Variants in CNTNAP2 observed in about 807,000 individuals in gnomAD.
CNTNAP2 encodes contactin-associated protein-like 2.
CNTNAP2 carries 98 observed loss-of-function variants against 155.2 expected under a neutral mutation model. The ratio of observed to expected loss-of-function variants is 0.63; its 90% CI spans 0.54 to 0.75. CNTNAP2 has a LOEUF of 0.75. Among genes scored for constraint, CNTNAP2 ranks in the 30% least tolerant of loss-of-function variants. The pLI is 0.00. For missense variants in CNTNAP2, 1,727 were observed against 1,688.1 expected (o/e 1.02, Z -0.40); for synonymous variants, 651 against 631.2 (o/e 1.03, Z -0.47).
chr7:146,993,108 A>G (rs1411173760), intron 3 of CNTNAP2, among the ~76,000 whole-genome samples: 2 of 152,216 alleles, frequency 1.3e-5, no homozygotes, highest in Non-Finnish European at 2.9e-5. Flanking sequence ...AAAGTTTATC[A>G]TAAAAGCTTT....
At chr7:146,249,413 C>T (rs116612375) in intron 1 of CNTNAP2, among the ~76,000 whole-genome samples, 4,562 of 151,722 alleles carry the variant, frequency 0.03, 226 homozygotes, top group African/African-American at 0.11. Context: ...AACGTATTTC[C>T]TCTTCCTGTA....
At chr7:146,286,144 G>A (rs1223030848) in intron 1 of CNTNAP2, among the ~76,000 whole-genome samples, 1 of 149,066 alleles carries the variant, frequency 6.7e-6, no homozygotes, top group Non-Finnish European at 1.5e-5. Flanking sequence ...ATGTGCTGAG[G>A]TGGGGAAAGC....
chr7:146,525,438 T>C (rs796578568), intron 1 of CNTNAP2, among the ~76,000 whole-genome samples: 26 of 152,218 alleles, frequency 1.7e-4, no homozygotes, highest in African/African-American at 6.0e-4. Context: ...AAATACCAAA[T>C]TGAGAAAAGG....
intron 20 of CNTNAP2, among the ~76,000 whole-genome samples, chr7:148,233,378 C>A (rs1220388825): frequency 6.9e-6 from 1 of 144,810 alleles, no homozygotes; most frequent in African/African-American, 2.5e-5. Context: ...ATGGAAGTCA[C>A]AAAAAGTAAG....
At chr7:147,605,713 G>C (rs923671082) in intron 12 of CNTNAP2, among the ~76,000 whole-genome samples, 19 of 152,080 alleles carry the variant, frequency 1.2e-4, no homozygotes, top group African/African-American at 4.6e-4. Flanking sequence ...TTCAGAAAAA[G>C]GTTCTCCCTG....
At chr7:147,637,269 G>A (rs1795195794) in intron 12 of CNTNAP2, among the ~76,000 whole-genome samples, 1 of 152,162 alleles carries the variant, frequency 6.6e-6, no homozygotes, top group African/African-American at 2.4e-5. Context: ...GACTGGTTAG[G>A]AATCAGGATG....
intron 1 of CNTNAP2, among the ~76,000 whole-genome samples, chr7:146,246,709 G>T (rs189982889): frequency 1.9e-4 from 29 of 152,198 alleles, no homozygotes; most frequent in African/African-American, 6.3e-4. Context: ...AGTTCCAGGG[G>T]CTCTGGGAGT....
intron 13 of CNTNAP2, among the ~76,000 whole-genome samples, chr7:147,888,527 T>C (rs984741379): frequency 6.6e-6 from 1 of 151,968 alleles, no homozygotes; most frequent in African/African-American, 2.4e-5. Flanking sequence ...TGGTGAGGCC[T>C]TATTTTGGTG....
chr7:146,520,927 C>G (rs1268391722), intron 1 of CNTNAP2, among the ~76,000 whole-genome samples: 2 of 151,910 alleles, frequency 1.3e-5, no homozygotes, highest in African/African-American at 4.8e-5. Context: ...AGATAGAACT[C>G]TGACTCCAAC....
intron 14 of CNTNAP2, among the ~76,000 whole-genome samples, chr7:147,922,362 T>C (rs773948706): frequency 6.6e-5 from 10 of 152,310 alleles, no homozygotes; most frequent in Admixed American, 1.3e-4. Context: ...GACACTAACA[T>C]GGCAGCCCTC....
At chr7:147,451,187 A>G (rs1002223596) in intron 10 of CNTNAP2, among the ~76,000 whole-genome samples, 14 of 152,224 alleles carry the variant, frequency 9.2e-5, no homozygotes, top group African/African-American at 3.4e-4. Flanking sequence ...ATTGCAGAAC[A>G]CAACTAAAAA....
chr7:147,857,948 G>A (rs908742969), intron 13 of CNTNAP2, among the ~76,000 whole-genome samples: 2 of 152,204 alleles, frequency 1.3e-5, no homozygotes, highest in African/African-American at 4.8e-5. Context: ...ACTGGACTCT[G>A]TGAAGCCTTT....
chr7:146,185,815 A>G (rs921833378), intron 1 of CNTNAP2, among the ~76,000 whole-genome samples: 6 of 140,066 alleles, frequency 4.3e-5, no homozygotes, highest in African/African-American at 1.6e-4. Context: ...GGGCTAAAGT[A>G]GGCTTCAGTT....
intron 15 of CNTNAP2, among the ~76,000 whole-genome samples, chr7:148,053,686 A>T (rs1331498683): frequency 6.6e-6 from 1 of 152,240 alleles, no homozygotes; most frequent in African/African-American, 2.4e-5. Flanking sequence ...AATCTGGGAC[A>T]TTTTTTGCTT....
At chr7:146,513,252 A>G (rs1027273049) in intron 1 of CNTNAP2, among the ~76,000 whole-genome samples, 2 of 151,926 alleles carry the variant, frequency 1.3e-5, no homozygotes, top group Non-Finnish European at 2.9e-5. Flanking sequence ...AAATATATTC[A>G]TCTACCCTCT....
intron 13 of CNTNAP2, among the ~76,000 whole-genome samples, chr7:147,782,614 T>C (rs1169141643): frequency 6.6e-6 from 1 of 152,182 alleles, no homozygotes; most frequent in Admixed American, 6.5e-5. Context: ...ATCGCATTCT[T>C]GAGGGTGGAA....
intron 1 of CNTNAP2, among the ~76,000 whole-genome samples, chr7:146,144,466 TA>T (rs1403148732): frequency 2.0e-5 from 3 of 152,108 alleles, no homozygotes; most frequent in Non-Finnish European, 4.4e-5. Context: ...TTAATAAATT[TA>T]AAAAACAAAA....
At position 147,483,340 on chromosome 7, in the gene CNTNAP2, G is replaced by A. The variant is rs150252766; in HGVS notation, c.1671-2595G>A. Among the ~76,000 whole-genome samples the A allele has an allele frequency of 2.7e-3, 416 of 152,202 alleles. 7 individuals carry two copies. The highest frequency in any genetic ancestry group is 0.025 in the Admixed American group (378 of 15,300). ...TTTTATAACAGGGACTTGAAAATGCGTGGATTTGGGTATCTATGGGGTGGG... is the reference window on the plus strand; with the variant it reads ...TTTTATAACAGGGACTTGAAAATGCATGGATTTGGGTATCTATGGGGTGGG... On this transcript the variant is annotated intron_variant, in intron 10 of 23. Transcript: ENST00000361727.
chr7:148,038,142 C>G (rs748317985), intron 15 of CNTNAP2, among the ~76,000 whole-genome samples: 8 of 152,132 alleles, frequency 5.3e-5, no homozygotes, highest in Admixed American at 3.9e-4. Context: ...CTGTCAAAAC[C>G]TTTCCATATC....
Sources: allele counts gnomAD v4.1 joint callset (sites outside exome capture counted in the v4.1 genomes callset), GRCh38; gene constraint gnomAD v4.1.1; transcripts MANE v1.5; gene names NCBI Gene and HGNC (gene_info 2026-07-23, HGNC 2026-07-21).